Variants in TRAPPC9 observed in about 807,000 individuals in gnomAD.
The protein encoded by TRAPPC9 is IKK2 binding protein.
Under a neutral mutation model 124.0 loss-of-function variants are expected in TRAPPC9, and 83 were observed. The ratio of observed to expected loss-of-function variants is 0.67; its 90% CI spans 0.56 to 0.80. The LOEUF (loss-of-function observed/expected upper bound fraction) is 0.80. TRAPPC9 is among the 30% of genes least tolerant of loss of function. The pLI, the probability that TRAPPC9 is intolerant of heterozygous loss-of-function variation, is 0.00. For synonymous variants in TRAPPC9, 638 were observed against 617.5 expected, an observed-to-expected ratio of 1.03 and a Z score of -0.49; for missense variants, 1,302 against 1,508.3, an observed-to-expected ratio of 0.86 and a Z score of 2.27.
At chr8:139,781,069 A>G (rs1220712007) in intron 21 of TRAPPC9, among the ~76,000 whole-genome samples, 7 of 152,228 alleles carry the variant, frequency 4.6e-5, no homozygotes, top group African/African-American at 1.7e-4. Flanking sequence ...ATGGGAAAGC[A>G]AAATGGTACA....
intron 18 of TRAPPC9, among the ~76,000 whole-genome samples, chr8:139,995,620 T>C (rs1837915853): frequency 6.6e-6 from 1 of 151,998 alleles, no homozygotes; most frequent in Non-Finnish European, 1.5e-5. Flanking sequence ...GAGCCCCCAG[T>C]AATTTGGGAA....
chr8:140,093,657 G>A (rs1442798533), intron 17 of TRAPPC9, among the ~76,000 whole-genome samples: 4 of 131,122 alleles, frequency 3.1e-5, no homozygotes, highest in Non-Finnish European at 6.3e-5. Context: ...GAGAGAGCAC[G>A]ACTTCGTCTT....
At position 139,971,722 on chromosome 8, in the gene TRAPPC9, T is replaced by C. The variant is rs527726410; in HGVS notation, c.2810+17004A>G. ...GAATGCTAAAGTTCATATATATATA[T>C]ACACACACACACACACATATATATA... On this transcript the variant is annotated intron_variant, in intron 19 of 22. Transcript: ENST00000438773. 1.8e-4 allele frequency among the ~76,000 whole-genome samples: 21 copies of C among 115,962 alleles called. 1 individual carries two copies. Among genetic ancestry groups the C allele is most frequent in the Admixed American group, 1.4e-3 (15 of 10,978 alleles). The allele number at this position is 115,962 out of a possible 152,430, so 76.1% of individuals were successfully genotyped here. A position where few individuals can be genotyped will look rare whatever the true frequency, so the allele number is the denominator to read the frequency against.
chr8:139,910,541 C>A (rs1231793499), intron 19 of TRAPPC9, among the ~76,000 whole-genome samples: 1 of 152,204 alleles, frequency 6.6e-6, no homozygotes. Flanking sequence ...TCTGGGAAGA[C>A]CTGTGTTACC....
At chr8:139,746,965 C>T (rs1417156326) in intron 21 of TRAPPC9, among the ~76,000 whole-genome samples, 2 of 152,132 alleles carry the variant, frequency 1.3e-5, no homozygotes, top group Non-Finnish European at 2.9e-5. Context: ...TGGACAAGCA[C>T]TTTAGACAAC....
intron 18 of TRAPPC9, among the ~76,000 whole-genome samples, chr8:140,018,012 T>G (rs1159791180): frequency 2.6e-5 from 4 of 151,956 alleles, no homozygotes; most frequent in Non-Finnish European, 5.9e-5. Flanking sequence ...CCCAGTTAAT[T>G]TTTGTATTTT....
chr8:140,314,248 T>C (rs912029212), intron 9 of TRAPPC9, among the ~76,000 whole-genome samples: 4 of 152,236 alleles, frequency 2.6e-5, no homozygotes, highest in Non-Finnish European at 5.9e-5. Flanking sequence ...TTGTTTATTG[T>C]TTAGTATCAT....
chr8:140,253,240 TTATAAACTA>T (rs1467990093), intron 15 of TRAPPC9, among the ~76,000 whole-genome samples: 2 of 152,174 alleles, frequency 1.3e-5, no homozygotes, highest in African/African-American at 4.8e-5. Flanking sequence ...CGTTTTGCTC[TTATAAACTA>T]AATCAGAGTT....
chr8:139,864,796 C>T (rs1828416645), intron 21 of TRAPPC9, among the ~76,000 whole-genome samples: 1 of 152,206 alleles, frequency 6.6e-6, no homozygotes, highest in Admixed American at 6.5e-5. Context: ...CGCTTGGACC[C>T]AGACTGGCTC....
intron 19 of TRAPPC9, among the ~76,000 whole-genome samples, chr8:139,915,874 T>G (rs2131307903): frequency 6.6e-6 from 1 of 152,328 alleles, no homozygotes; most frequent in South Asian, 2.1e-4. Context: ...AACTTCCTTT[T>G]GGAAAATAAG....
chr8:140,298,454 A>T (rs1412149109), intron 11 of TRAPPC9, among the ~76,000 whole-genome samples: 2 of 152,072 alleles, frequency 1.3e-5, no homozygotes, highest in African/African-American at 2.4e-5. Flanking sequence ...AGAATTCGAG[A>T]CCAGCCTGGG....
chr8:140,419,272 C>CA (rs1157467141), intron 5 of TRAPPC9, among the ~76,000 whole-genome samples: 3 of 148,446 alleles, frequency 2.0e-5, no homozygotes, highest in Non-Finnish European at 3.0e-5. Flanking sequence ...ACTGAAAATA[C>CA]AAAAAAATTA....
chr8:140,091,417 T>C (rs889603903), intron 17 of TRAPPC9, among the ~76,000 whole-genome samples: 6 of 152,234 alleles, frequency 3.9e-5, no homozygotes, highest in African/African-American at 1.4e-4. Flanking sequence ...CTCCGTTTCA[T>C]GCTCTGGGAA....
rs1586856768 is a variant in TRAPPC9 at position 139,794,653 on chromosome 8, T to C, written c.3056-62451A>G. Among the ~76,000 whole-genome samples, 2 of 152,190 alleles carry C rather than the reference T, an allele frequency of 1.3e-5. 1 individual carries two copies. Among genetic ancestry groups the C allele is most frequent in the East Asian group, 3.9e-4 (2 of 5,176 alleles). On this transcript the variant is annotated intron_variant, in intron 21 of 22. Coordinates refer to ENST00000438773, the MANE Select transcript of TRAPPC9 (RefSeq NM_001160372.4). ...ACCTGGCCATCCTCTTGGCTCCCGT[T>C]CCTGGCACTCCCTCTCCAGGAGCAC...
In TRAPPC9 at chr8:139,874,123, C is replaced by A. The variant is rs76529035; in HGVS notation, c.3055+11756G>T. ...ATGGATCCTTGGGAACTGACCAGGG[C>A]TGTCGTAAGGCAGATGCCAGGAATA... is the stretch of plus-strand genomic sequence containing the variant. On this transcript the variant is annotated intron_variant, in intron 21 of 22. Transcript: ENST00000438773. Among the ~76,000 whole-genome samples the A allele has an allele frequency of 3.3e-5, 5 of 152,370 alleles. No homozygotes were observed. In the East Asian group the frequency reaches 9.6e-4, roughly 29 times the overall value.
intron 8 of TRAPPC9, among the ~76,000 whole-genome samples, chr8:140,367,139 A>G (rs1300113670): frequency 1.3e-5 from 2 of 152,246 alleles, no homozygotes; most frequent in Non-Finnish European, 2.9e-5. Context: ...AAAATGGTTC[A>G]GCCACTGTGG....
intron 18 of TRAPPC9, among the ~76,000 whole-genome samples, chr8:140,011,066 A>AT (rs1277176654): frequency 1.3e-5 from 2 of 152,154 alleles, no homozygotes; most frequent in Non-Finnish European, 2.9e-5. Context: ...CAGGCAGGGC[A>AT]TGGTGGCTCA....
chr8:140,397,589 C>G, intron 7 of TRAPPC9, 31 bp downstream of exon 7: 2 of 1,613,124 alleles, frequency 1.2e-6, no homozygotes, highest in Non-Finnish European at 1.7e-6. Context: ...ACTGGATGAA[C>G]TCTTCCACTT....
At chr8:140,358,182 A>G (rs959062738) in intron 9 of TRAPPC9, among the ~76,000 whole-genome samples, 1 of 152,176 alleles carries the variant, frequency 6.6e-6, no homozygotes, top group Non-Finnish European at 1.5e-5. Context: ...GGGCTTTATG[A>G]GGACTGCTTA....
Sources: allele counts gnomAD v4.1 joint callset (sites outside exome capture counted in the v4.1 genomes callset), GRCh38; gene constraint gnomAD v4.1.1; transcripts MANE v1.5; gene names NCBI Gene and HGNC (gene_info 2026-07-23, HGNC 2026-07-21).